CUX1: variants seen among roughly 807,000 people sequenced by gnomAD.
The protein encoded by CUX1 is cut like homeobox 1, also known as protein CASP.
Under a neutral mutation model 158.8 loss-of-function variants are expected in CUX1, and 31 were observed. The observed-to-expected ratio is 0.20, with a 90% confidence interval of 0.15 to 0.26. CUX1 has a LOEUF of 0.26. CUX1 is among the 10% of genes least tolerant of loss of function. CUX1 has a pLI of 1.00. For missense variants in CUX1, 1,589 were observed against 2,014.6 expected, an observed-to-expected ratio of 0.79 and a Z score of 4.04; for synonymous variants, 879 against 862.1, an observed-to-expected ratio of 1.02 and a Z score of -0.34.
At chr7:102,210,095 C>T (rs554818390) in intron 20 of CUX1, among the ~76,000 whole-genome samples, 2 of 151,670 alleles carry the variant, frequency 1.3e-5, no homozygotes, top group Non-Finnish European at 2.9e-5. Context: ...CTTTTTTATT[C>T]GTTTTTGTTT....
At chr7:101,966,095 C>T (rs1033318678) in intron 2 of CUX1, among the ~76,000 whole-genome samples, 3 of 151,964 alleles carry the variant, frequency 2.0e-5, no homozygotes, top group Admixed American at 1.3e-4. Flanking sequence ...GACAGGGTCT[C>T]ACTCTGTTGC....
At chr7:101,906,607 C>T (rs1333761346) in intron 1 of CUX1, among the ~76,000 whole-genome samples, 1 of 151,992 alleles carries the variant, frequency 6.6e-6, no homozygotes, top group Non-Finnish European at 1.5e-5. Context: ...GGGCGCGCCC[C>T]GTGTCCTGGA....
chr7:101,988,470 A>G (rs1001478841), intron 2 of CUX1, among the ~76,000 whole-genome samples: 1 of 151,252 alleles, frequency 6.6e-6, no homozygotes, highest in African/African-American at 2.4e-5. Context: ...CTTCCTCTTC[A>G]CCTCCTGCCA....
At chr7:102,172,487 T>C (rs1323641647) in intron 10 of CUX1, among the ~76,000 whole-genome samples, 2 of 152,196 alleles carry the variant, frequency 1.3e-5, no homozygotes, top group Non-Finnish European at 2.9e-5. Flanking sequence ...CTTGAACTCC[T>C]GTCCTCAGGT....
intron 1 of CUX1, among the ~76,000 whole-genome samples, chr7:101,908,331 A>C (rs1198583406): frequency 6.6e-6 from 1 of 151,820 alleles, no homozygotes; most frequent in African/African-American, 2.4e-5. Context: ...TTTTTAGTAG[A>C]GACAGGGTTT....
chr7:102,088,464 T>A (rs1367458939), intron 4 of CUX1, among the ~76,000 whole-genome samples: 1 of 152,128 alleles, frequency 6.6e-6, no homozygotes, highest in South Asian at 2.1e-4. Flanking sequence ...TAAAGCCCTG[T>A]CTCTACTAGA....
At position 102,250,596 on chromosome 7, in the gene CUX1, ACT is replaced by A; in HGVS notation, c.*1556_*1557del. The A allele has an allele frequency of 1.0e-6, 1 of 985,316 alleles. No individual in the cohort carries two copies. Among genetic ancestry groups the A allele is most frequent in the Non-Finnish European group, 1.2e-6 (1 of 829,912 alleles). 61.0% of individuals were successfully genotyped at this position (985,316 alleles called of 1,614,324 possible). A position where few individuals can be genotyped will look rare whatever the true frequency, so the allele number is the denominator to read the frequency against. On this transcript the variant is annotated 3_prime_UTR_variant, in exon 24 of 24. Coordinates refer to ENST00000292535, the MANE Select transcript of CUX1 (RefSeq NM_181552.4). ...TCCCATCCCTGTAGAAATGGCCCAA[ACT>A]CACACCAAAACGTGGATGCTCTTCA...
At chr7:101,894,281 A>G (rs1801220025) in intron 1 of CUX1, among the ~76,000 whole-genome samples, 1 of 152,246 alleles carries the variant, frequency 6.6e-6, no homozygotes, top group African/African-American at 2.4e-5. Flanking sequence ...CAATCTGCAG[A>G]AAGACTGAAT....
intron 3 of CUX1, among the ~76,000 whole-genome samples, chr7:102,048,680 T>C (rs1417785026): frequency 1.3e-5 from 2 of 151,890 alleles, no homozygotes; most frequent in African/African-American, 4.8e-5. Context: ...AATACAAAAA[T>C]TAGCTATGCA....
At chr7:101,968,699 A>G (rs1811544066) in intron 2 of CUX1, among the ~76,000 whole-genome samples, 1 of 152,172 alleles carries the variant, frequency 6.6e-6, no homozygotes. Flanking sequence ...CTGGGATTAT[A>G]GGCATGAGCC....
intron 6 of CUX1, among the ~76,000 whole-genome samples, chr7:102,110,009 G>A (rs2131054987): frequency 6.6e-6 from 1 of 152,226 alleles, no homozygotes; most frequent in South Asian, 2.1e-4. Context: ...ATGTTTGCTG[G>A]AATAGAACAT....
At chr7:102,277,933 G>GCATGGC in intron 17 of CUX1, 2 of 799,640 alleles carry the variant, frequency 2.5e-6, no homozygotes, top group Non-Finnish European at 1.8e-6. Context: ...CCCTTTCCTT[G>GCATGGC]CCCCTCCCCC....
chr7:102,062,739 G>A (rs184068724), intron 3 of CUX1, among the ~76,000 whole-genome samples: 130 of 152,234 alleles, frequency 8.5e-4, no homozygotes, highest in African/African-American at 2.9e-3. Flanking sequence ...GCACTCAAAC[G>A]ATCCTCCCAC....
rs767973069 is a variant in CUX1 at position 101,920,247 on chromosome 7, G to A, written c.141+4022G>A. ...AGCAGTTCTTCTGCCTCAGCCTCCC[G>A]AGTAGCTGGGATTACAGGCATGCGC... is the stretch of plus-strand genomic sequence containing the variant. On this transcript the variant is annotated intron_variant, in intron 2 of 23. Coordinates refer to ENST00000292535, the MANE Select transcript of CUX1 (RefSeq NM_181552.4). 6.7e-4 allele frequency among the ~76,000 whole-genome samples: 101 copies of A among 151,420 alleles called. 3 individuals carry two copies. The highest frequency in any genetic ancestry group is 2.5e-4 in the Non-Finnish European group (17 of 67,944).
At chr7:101,969,391 C>T (rs1175743693) in intron 2 of CUX1, among the ~76,000 whole-genome samples, 1 of 147,354 alleles carries the variant, frequency 6.8e-6, no homozygotes, top group East Asian at 2.0e-4. Context: ...AAAGCAGGCA[C>T]CCAGATTTTC....
chr7:102,174,394 C>T (rs1792066115), intron 10 of CUX1, among the ~76,000 whole-genome samples: 1 of 151,946 alleles, frequency 6.6e-6, no homozygotes, highest in African/African-American at 2.4e-5. Flanking sequence ...GCTGGGATTA[C>T]AGGCGTGAGC....
intron 3 of CUX1, among the ~76,000 whole-genome samples, chr7:102,060,210 G>A (rs1422671694): frequency 6.6e-6 from 1 of 150,684 alleles, no homozygotes; most frequent in African/African-American, 2.4e-5. Flanking sequence ...CCTGGGAGGC[G>A]GAGCTTGCAG....
chr7:101,861,629 G>C (rs975032440), intron 1 of CUX1, among the ~76,000 whole-genome samples: 4 of 144,954 alleles, frequency 2.8e-5, no homozygotes, highest in African/African-American at 7.5e-5. Context: ...GTGGGGTGGG[G>C]TGGAGAAGAA....
chr7:102,175,030 C>G (rs1554511421), intron 10 of CUX1, among the ~76,000 whole-genome samples: 1 of 152,210 alleles, frequency 6.6e-6, no homozygotes, highest in Non-Finnish European at 1.5e-5. Context: ...CTTTGGGGTT[C>G]ATTTTCACCT....
Sources: gnomAD v4.1 joint callset for allele counts (sites outside exome capture counted in the v4.1 genomes callset) on GRCh38, gnomAD v4.1.1 for gene constraint, MANE v1.5 for transcripts, NCBI Gene and HGNC (gene_info 2026-07-23, HGNC 2026-07-21) for gene names.